Variants in GXYLT1 observed in about 807,000 individuals in gnomAD.
GXYLT1 encodes glucoside xylosyltransferase 1.
A neutral mutation model predicts 54.0 loss-of-function variants in GXYLT1; 29 were observed. The observed-to-expected ratio is 0.54, with a 90% CI of 0.40 to 0.73. GXYLT1 has a LOEUF of 0.73. GXYLT1 is among the 30% of genes least tolerant of loss of function. The pLI is 0.00. For synonymous variants in GXYLT1, 176 were observed against 204.1 expected (o/e 0.86, Z 1.17); for missense variants, 490 against 553.4 (o/e 0.89, Z 1.15).
At position 42,119,086 on chromosome 12, in the gene GXYLT1, A is replaced by C. The variant is rs766936339; in HGVS notation, c.400T>G (p.Leu134Val). The change falls in exon 3 of 8, where the codon TTG becomes GTG. Residue 134 changes from leucine to valine, a missense_variant. Transcript: ENST00000398675. ...ATGCTGAAAATGATAGCTGACTTCA[A>C]CATGGTCATAGTTTCTTCCAGTCTT... ...GERLEETMTM[L>V]KSAIIFSIKP... The C allele has an allele frequency of 6.2e-7, 1 of 1,613,974 alleles. No homozygotes were observed. The highest frequency in any genetic ancestry group is 1.1e-5 in the South Asian group (1 of 91,086).
At chr12:42,112,257 T>C (rs767660833) in intron 3 of GXYLT1, among the ~76,000 whole-genome samples, 1 of 152,146 alleles carries the variant, frequency 6.6e-6, no homozygotes, top group Non-Finnish European at 1.5e-5. Flanking sequence ...TCCAAAGGAA[T>C]GCAGCTCCTC....
chr12:42,091,552 A>T (rs1306810854), intron 7 of GXYLT1, among the ~76,000 whole-genome samples: 1 of 152,214 alleles, frequency 6.6e-6, no homozygotes, highest in Non-Finnish European at 1.5e-5. Context: ...ATAATAAAGC[A>T]TTATTAAAAT....
chr12:42,090,381 C>A (rs1375990848), intron 7 of GXYLT1, among the ~76,000 whole-genome samples: 3 of 152,188 alleles, frequency 2.0e-5, no homozygotes, highest in African/African-American at 7.2e-5. Context: ...TGACTCCAGA[C>A]CTCTTTTTAT....
rs1274140934 is a variant in GXYLT1, at chr12:42,086,375, A to G, written c.*1411T>C. 6.6e-6 allele frequency: 1 copy of G among 152,254 alleles called. No homozygotes were observed. The highest frequency in any genetic ancestry group is 1.9e-4 in the East Asian group (1 of 5,198). 9.4% of individuals were successfully genotyped at this position (152,254 alleles called of 1,614,324 possible). ...CTAACCATCTCTTTCTGCATATTCC[A>G]TGTCTCCACAGAGGTCACTGTGTCT... On this transcript the variant is annotated 3_prime_UTR_variant, in exon 8 of 8. Transcript: ENST00000398675.
chr12:42,108,659 A>G (rs1032122463), intron 4 of GXYLT1, among the ~76,000 whole-genome samples: 2 of 152,186 alleles, frequency 1.3e-5, no homozygotes, highest in African/African-American at 4.8e-5. Flanking sequence ...GGAGCAACAA[A>G]CATACTGGTT....
intron 1 of GXYLT1, among the ~76,000 whole-genome samples, chr12:42,143,962 G>A (rs537069436): frequency 3.3e-5 from 5 of 152,054 alleles, no homozygotes; most frequent in Admixed American, 1.3e-4. Flanking sequence ...GTTAACACAG[G>A]AAAATCAGCA....
chr12:42,132,729 A>C (rs2065599639), intron 1 of GXYLT1, among the ~76,000 whole-genome samples: 1 of 152,130 alleles, frequency 6.6e-6, no homozygotes, highest in Non-Finnish European at 1.5e-5. Flanking sequence ...CTAACTCAAA[A>C]GACCCTCTTG....
intron 3 of GXYLT1, among the ~76,000 whole-genome samples, chr12:42,116,865 C>A (rs2065498738): frequency 6.6e-6 from 1 of 152,106 alleles, no homozygotes; most frequent in South Asian, 2.1e-4. Context: ...ATAGCAAAGA[C>A]TTGGAACCAA....
chr12:42,120,784 C>A (rs1307133608), intron 2 of GXYLT1, among the ~76,000 whole-genome samples: 2 of 152,174 alleles, frequency 1.3e-5, no homozygotes, highest in Non-Finnish European at 2.9e-5. Context: ...GATCCTCCCA[C>A]CTCAGCCTCC....
At chr12:42,109,115 T>C (rs1014559694) in intron 4 of GXYLT1, among the ~76,000 whole-genome samples, 5 of 152,210 alleles carry the variant, frequency 3.3e-5, no homozygotes, top group South Asian at 2.1e-4. Flanking sequence ...TGTTTAAGTA[T>C]CAGTTACAAT....
chr12:42,142,338 T>A (rs778614151), intron 1 of GXYLT1, among the ~76,000 whole-genome samples: 26 of 106,306 alleles, frequency 2.4e-4, no homozygotes, highest in Non-Finnish European at 7.8e-5. Flanking sequence ...AAAAAGTTAA[T>A]TTTTTTTTTT....
At chr12:42,135,432 T>C (rs2065614393) in intron 1 of GXYLT1, among the ~76,000 whole-genome samples, 1 of 152,222 alleles carries the variant, frequency 6.6e-6, no homozygotes, top group South Asian at 2.1e-4. Flanking sequence ...TATTCAGAGT[T>C]GTGCAACCAT....
At chr12:42,116,604 C>T (rs371608089) in intron 3 of GXYLT1, among the ~76,000 whole-genome samples, 1 of 152,100 alleles carries the variant, frequency 6.6e-6, no homozygotes, top group Non-Finnish European at 1.5e-5. Flanking sequence ...GTTAGAATGG[C>T]AATCATTAAA....
chr12:42,100,521 C>A (rs908522089), intron 5 of GXYLT1, among the ~76,000 whole-genome samples: 3 of 151,232 alleles, frequency 2.0e-5, no homozygotes, highest in African/African-American at 7.3e-5. Context: ...TATAAACAAT[C>A]TATCCTTTAA....
In GXYLT1 at chr12:42,085,465, T is replaced by C. The variant is rs1216785648; in HGVS notation, c.*2321A>G. The C allele has an allele frequency of 2.0e-5, 3 of 152,282 alleles. No individual in the cohort carries two copies. The highest frequency in any genetic ancestry group is 4.4e-5 in the Non-Finnish European group (3 of 68,052). The allele number at this position is 152,282 out of a possible 1,614,324, so 9.4% of individuals were successfully genotyped here. ...TTTTATCTTATCAAACTTACTAATA[T>C]AAATTCATATCCTGTCATTAACCCC... On this transcript the variant is annotated 3_prime_UTR_variant, in exon 8 of 8. Coordinates refer to ENST00000398675, the MANE Select transcript of GXYLT1 (RefSeq NM_173601.2).
chr12:42,132,182 T>A (rs533670309), intron 1 of GXYLT1, among the ~76,000 whole-genome samples: 97 of 152,296 alleles, frequency 6.4e-4, no homozygotes, highest in African/African-American at 1.8e-3. Flanking sequence ...AGGTCACTTG[T>A]TAAAAATACA....
intron 1 of GXYLT1, among the ~76,000 whole-genome samples, chr12:42,140,561 A>T (rs1344966898): frequency 9.0e-6 from 1 of 111,520 alleles, no homozygotes; most frequent in Non-Finnish European, 2.1e-5. Flanking sequence ...AACAAGTTCA[A>T]GGTCAACACA....
chr12:42,136,217 C>T (rs2065618733), intron 1 of GXYLT1, among the ~76,000 whole-genome samples: 1 of 152,048 alleles, frequency 6.6e-6, no homozygotes, highest in South Asian at 2.1e-4. Flanking sequence ...GATAAATTAG[C>T]AAAAGCAACT....
At chr12:42,124,319 A>G (rs991752775) in intron 2 of GXYLT1, among the ~76,000 whole-genome samples, 1 of 152,062 alleles carries the variant, frequency 6.6e-6, no homozygotes, top group Non-Finnish European at 1.5e-5. Context: ...TAGTACATTA[A>G]AACAAAATAT....
Sources: allele counts gnomAD v4.1 joint callset (sites outside exome capture counted in the v4.1 genomes callset), GRCh38; gene constraint gnomAD v4.1.1; transcripts MANE v1.5; gene names NCBI Gene and HGNC (gene_info 2026-07-23, HGNC 2026-07-21).